OVCH1: variants seen among roughly 807,000 people sequenced by gnomAD.
OVCH1 encodes ovochymase-1.
In OVCH1, 139 loss-of-function variants were observed where a neutral mutation model predicts 138.4. That is an observed-to-expected ratio of 1.00 (90% CI 0.87 to 1.16). The LOEUF (loss-of-function observed/expected upper bound fraction) is 1.16. Among genes scored for constraint, OVCH1 ranks in the 50% most tolerant of loss-of-function variants. The pLI is 0.00. For synonymous variants in OVCH1, 453 were observed against 467.8 expected, an observed-to-expected ratio of 0.97 and a Z score of 0.41; for missense variants, 1,367 against 1,357.9, an observed-to-expected ratio of 1.01 and a Z score of -0.11.
intron 22 of OVCH1, among the ~76,000 whole-genome samples, chr12:29,447,803 T>A (rs894628168): frequency 6.6e-6 from 1 of 152,110 alleles, no homozygotes; most frequent in Non-Finnish European, 1.5e-5. Context: ...AAGGAATGGA[T>A]GATGCTGCTT....
intron 4 of OVCH1, 72 bp from the exon 5 acceptor site, chr12:29,491,264 CTCTT>C: frequency 1.8e-5 from 23 of 1,268,208 alleles, no homozygotes; most frequent in South Asian, 2.6e-5. Flanking sequence ...AAAGTGAAAT[CTCTT>C]GATTTCATGG....
intron 24 of OVCH1, 43 bp from the exon 25 acceptor site, chr12:29,443,543 G>T: frequency 6.6e-7 from 1 of 1,509,000 alleles, no homozygotes; most frequent in Middle Eastern, 1.8e-4. Context: ...TTTCTAAACA[G>T]AATATATTGT....
intron 14 of OVCH1, among the ~76,000 whole-genome samples, chr12:29,473,914 A>G (rs1370606660): frequency 1.3e-5 from 2 of 152,098 alleles, no homozygotes; most frequent in Non-Finnish European, 2.9e-5. Context: ...CCCAGCCTAC[A>G]TCTTTCTTCC....
the OVCH1 span, among the ~76,000 whole-genome samples, chr12:29,406,376 C>T: frequency 3.3e-5 from 5 of 151,950 alleles, no homozygotes; most frequent in Admixed American, 6.6e-5. Context: ...TAATTACATA[C>T]GTATACATGT....
intron 18 of OVCH1, 85 bp downstream of exon 18, chr12:29,464,422 G>A: frequency 7.3e-7 from 1 of 1,375,706 alleles, no homozygotes. Context: ...AGGGGCTGAA[G>A]CGGATGCTGC....
chr12:29,422,908 TAAA>T (rs1429691072), downstream of OVCH1, among the ~76,000 whole-genome samples: 1 of 152,166 alleles, frequency 6.6e-6, no homozygotes, highest in African/African-American at 2.4e-5. Context: ...CATTATTTCT[TAAA>T]AATAATAAAC....
chr12:29,440,707 T>G (rs1450391079), intron 25 of OVCH1: 1 of 455,838 alleles, frequency 2.2e-6, no homozygotes, highest in East Asian at 7.0e-5. Flanking sequence ...CTGAATTGGC[T>G]TAGGAACCAA....
At chr12:29,491,375 C>T (rs1242727996) in intron 4 of OVCH1, among the ~76,000 whole-genome samples, 183 bp from the exon 5 acceptor site, 1 of 152,124 alleles carries the variant, frequency 6.6e-6, no homozygotes, top group African/African-American at 2.4e-5. Flanking sequence ...TTGAGAAATG[C>T]AGAAAAAGTA....
chr12:29,476,917 CTT>C (rs770887021), intron 12 of OVCH1, among the ~76,000 whole-genome samples, 183 bp downstream of exon 12: 8 of 152,036 alleles, frequency 5.3e-5, no homozygotes, highest in Non-Finnish European at 1.0e-4. Context: ...ATTGGATACA[CTT>C]TTAAACCACT....
chr12:29,488,492 G>T (rs1374267697), intron 6 of OVCH1, among the ~76,000 whole-genome samples: 1 of 151,724 alleles, frequency 6.6e-6, no homozygotes, highest in Non-Finnish European at 1.5e-5. Context: ...GGTGGTGGGT[G>T]CCTATAATCC....
At chr12:29,414,434 A>G (rs1344351852) in intron 3 of OVCH1, among the ~76,000 whole-genome samples, 2 of 152,192 alleles carry the variant, frequency 1.3e-5, no homozygotes, top group Non-Finnish European at 2.9e-5. Context: ...ACTGATGAAC[A>G]TTTAGACTAT....
chr12:29,405,217 T>C, the OVCH1 span, among the ~76,000 whole-genome samples: 2 of 152,168 alleles, frequency 1.3e-5, no homozygotes, highest in African/African-American at 4.8e-5. Flanking sequence ...TAACAATGTA[T>C]TTATTCTTCT....
intron 27 of OVCH1, among the ~76,000 whole-genome samples, chr12:29,432,257 T>A (rs557770498): frequency 2.6e-5 from 4 of 152,312 alleles, no homozygotes; most frequent in African/African-American, 9.6e-5. Context: ...AATTACTCAT[T>A]TTAAAATGAT....
chr12:29,406,203 A>G, the OVCH1 span, among the ~76,000 whole-genome samples: 2 of 75,168 alleles, frequency 2.7e-5, no homozygotes, highest in East Asian at 3.5e-4. Flanking sequence ...ATTAGGTAAT[A>G]AAATCACTAG....
downstream of OVCH1, among the ~76,000 whole-genome samples, chr12:29,411,431 GT>G (rs1048953688): frequency 1.1e-4 from 16 of 151,774 alleles, no homozygotes; most frequent in African/African-American, 3.6e-4. Flanking sequence ...CATCTTTGTG[GT>G]TTTATCTACT....
chr12:29,467,563 A>T (rs1003931443), intron 16 of OVCH1, among the ~76,000 whole-genome samples: 2 of 152,144 alleles, frequency 1.3e-5, no homozygotes, highest in Admixed American at 6.6e-5. Context: ...TGTGTCACTT[A>T]TTGCTATGGA....
intron 8 of OVCH1, 76 bp downstream of exon 8, chr12:29,486,174 G>A: frequency 7.5e-7 from 1 of 1,339,322 alleles, no homozygotes; most frequent in Admixed American, 1.8e-5. Context: ...TGTGAATATG[G>A]TACAATCCTC....
At chr12:29,458,840 T>G (rs1006383661) in intron 19 of OVCH1, among the ~76,000 whole-genome samples, 4 of 151,904 alleles carry the variant, frequency 2.6e-5, no homozygotes, top group Admixed American at 6.6e-5. Flanking sequence ...TCTGAATAGA[T>G]ATTTCTCAAA....
chr12:29,412,058 G>C (rs1158941466), downstream of OVCH1, among the ~76,000 whole-genome samples: 1 of 152,062 alleles, frequency 6.6e-6, no homozygotes, highest in Non-Finnish European at 1.5e-5. Flanking sequence ...TTTGATCTCA[G>C]ACTGCTGTGC....
Sources: allele counts gnomAD v4.1 joint callset (sites outside exome capture counted in the v4.1 genomes callset), GRCh38; gene constraint gnomAD v4.1.1; transcripts MANE v1.5; gene names NCBI Gene and HGNC (gene_info 2026-07-23, HGNC 2026-07-21).